The following COL4A3 variants were observed in gnomAD, a reference collection of about 807,000 sequenced individuals.
The protein encoded by COL4A3 is collagen alpha-3(IV) chain.
Under a neutral mutation model 217.4 loss-of-function variants are expected in COL4A3, and 135 were observed. The ratio of observed to expected loss-of-function variants is 0.62; its 90% CI spans 0.54 to 0.72. The LOEUF (loss-of-function observed/expected upper bound fraction) is 0.72. COL4A3 is among the 30% of genes least tolerant of loss of function. COL4A3 has a pLI of 0.00. For synonymous variants in COL4A3, 690 were observed against 736.3 expected (o/e 0.94, Z 1.02); for missense variants, 1,868 against 2,119.9 (o/e 0.88, Z 2.33).
chr2:227,310,712 A>G (rs1388462490), intron 50 of COL4A3, 64 bp from the exon 51 acceptor site: 5 of 1,379,530 alleles, frequency 3.6e-6, no homozygotes, highest in Non-Finnish European at 5.1e-6. Context: ...AAAAAAAAGT[A>G]GAGAATTGAA....
In COL4A3 at chr2:227,274,472, G is replaced by A. The variant is rs2071435870; in HGVS notation, c.1927+1355G>A. On this transcript the variant is annotated intron_variant, in intron 26 of 51. Coordinates refer to ENST00000396578, the MANE Select transcript of COL4A3 (RefSeq NM_000091.5). The stretch of plus-strand genomic sequence containing the variant: ...ATTAAATAAACAAATAAATATTTAT[G>A]TTTATCTGCACCTTACTTTGGAGCT... Among the ~76,000 whole-genome samples, 11 of 148,478 alleles carry A rather than the reference G, an allele frequency of 7.4e-5. 1 individual carries two copies. The South Asian group carries it at 2.3e-3, about 31-fold the overall frequency.
At chr2:227,206,257 A>G (rs1444080930) in intron 1 of COL4A3, among the ~76,000 whole-genome samples, 4 of 152,078 alleles carry the variant, frequency 2.6e-5, no homozygotes, top group Non-Finnish European at 4.4e-5. Context: ...TATTCTTAGT[A>G]GAGACAGGGT....
At chr2:227,293,643 T>C (rs2072883338) in intron 38 of COL4A3, 1 of 466,420 alleles carries the variant, frequency 2.1e-6, no homozygotes, top group South Asian at 1.7e-5. Context: ...GCTTCCATAG[T>C]GAATTCCACA....
At chr2:227,291,599 A>G (rs924809184) in intron 37 of COL4A3, among the ~76,000 whole-genome samples, 1 of 148,828 alleles carries the variant, frequency 6.7e-6, no homozygotes, top group Non-Finnish European at 1.5e-5. Flanking sequence ...AAAACAAAAA[A>G]AAAAACACTT....
chr2:227,269,677 T>C (rs184065238), intron 23 of COL4A3, among the ~76,000 whole-genome samples: 1 of 152,314 alleles, frequency 6.6e-6, no homozygotes, highest in East Asian at 1.9e-4. Context: ...AATAAAGATA[T>C]ATTCTTAAAA....
Position 227,254,679 on chromosome 2 carries a change from A to C in COL4A3, c.852A>C (p.Gly284=). Residue 284 remains glycine, a synonymous_variant, in exon 15 of 52, where the codon GGA becomes GGC. Transcript: ENST00000396578. ...GPSGLPGESY[G]SEKGAPGDPG... ...AGGGACTGCCTGGAGAATCATATGG[A>C]TCTGAAAAGGGTGCTCCTGGAGACC... 6.2e-7 allele frequency: 1 copy of C among 1,613,540 alleles called. No homozygotes were observed. The highest frequency in any genetic ancestry group is 1.3e-5 in the African/African-American group (1 of 75,020).
intron 1 of COL4A3, among the ~76,000 whole-genome samples, chr2:227,234,448 T>C (rs2068579966): frequency 6.6e-6 from 1 of 152,234 alleles, no homozygotes; most frequent in South Asian, 2.1e-4. Flanking sequence ...TGTTCATAAT[T>C]CATACATACA....
intron 1 of COL4A3, among the ~76,000 whole-genome samples, chr2:227,168,260 AT>A (rs1437628147): frequency 2.5e-4 from 38 of 152,240 alleles, no homozygotes; most frequent in Non-Finnish European, 4.7e-4. Context: ...TATATTAGGA[AT>A]TGACAAGTTC....
At chr2:227,298,536 C>A (rs1559914570) in intron 42 of COL4A3, 146 bp from the exon 43 acceptor site, 9 of 1,207,286 alleles carry the variant, frequency 7.5e-6, no homozygotes, top group Non-Finnish European at 1.1e-5. Flanking sequence ...CCTGTCTTTA[C>A]CACAATCCCA....
intron 1 of COL4A3, among the ~76,000 whole-genome samples, chr2:227,206,333 G>A (rs537117633): frequency 8.9e-4 from 136 of 152,192 alleles, no homozygotes; most frequent in African/African-American, 3.2e-3. Flanking sequence ...TTGGTCTCCC[G>A]TAGTGCTGGG....
At chr2:227,212,272 A>T (rs1030819239) in intron 1 of COL4A3, among the ~76,000 whole-genome samples, 1 of 151,956 alleles carries the variant, frequency 6.6e-6, no homozygotes, top group African/African-American at 2.4e-5. Flanking sequence ...CAAATTCTTA[A>T]ATTTTAATAT....
chr2:227,229,439 A>G (rs2068270247), intron 1 of COL4A3, among the ~76,000 whole-genome samples: 1 of 152,234 alleles, frequency 6.6e-6, no homozygotes, highest in African/African-American at 2.4e-5. Flanking sequence ...TGTTTGTTAG[A>G]GATAGATAAC....
At chr2:227,201,257 T>A (rs2066674169) in intron 1 of COL4A3, among the ~76,000 whole-genome samples, 2 of 152,074 alleles carry the variant, frequency 1.3e-5, no homozygotes, top group African/African-American at 4.8e-5. Context: ...TACAAGTTCA[T>A]GAATAGTTTT....
intron 27 of COL4A3, among the ~76,000 whole-genome samples, chr2:227,277,101 C>T (rs1327034998): frequency 2.6e-5 from 4 of 151,892 alleles, no homozygotes; most frequent in African/African-American, 7.3e-5. Context: ...AGGCGGATCA[C>T]GAGGTCAGGA....
Position 227,290,106 on chromosome 2 carries a change from G to C in COL4A3, c.3070+18G>C. 2 of 1,609,504 alleles carry C rather than the reference G, an allele frequency of 1.2e-6. No homozygotes were observed. On this transcript the variant is annotated intron_variant, in intron 36 of 51. Coordinates refer to ENST00000396578, the MANE Select transcript of COL4A3 (RefSeq NM_000091.5). ...CATGCCAGGTAATGCATAAGGTCCT[G>C]TTATGAGCCCACAAGCTCATGATGG...
chr2:227,291,354 G>A, intron 37 of COL4A3, among the ~76,000 whole-genome samples: 1 of 151,860 alleles, frequency 6.6e-6, no homozygotes, highest in Non-Finnish European at 1.5e-5. Flanking sequence ...ACGAGGTCAG[G>A]AGATCGAGAC....
intron 1 of COL4A3, among the ~76,000 whole-genome samples, chr2:227,197,712 C>T (rs537764699): frequency 2.0e-5 from 3 of 152,306 alleles, no homozygotes; most frequent in Admixed American, 2.0e-4. Flanking sequence ...ACACACCTAT[C>T]TTGGAAAAGT....
chr2:227,279,271 G>T (rs540529634), intron 28 of COL4A3, among the ~76,000 whole-genome samples: 125 of 151,638 alleles, frequency 8.2e-4, no homozygotes, highest in African/African-American at 3.0e-3. Flanking sequence ...TTTTTTTGTT[G>T]TTGTTGTTTT....
chr2:227,303,774 T>G (rs2073388718), intron 44 of COL4A3, 85 bp from the exon 45 acceptor site: 5 of 1,287,708 alleles, frequency 3.9e-6, no homozygotes, highest in Non-Finnish European at 5.6e-6. Context: ...TTCTAGTATT[T>G]GTCCTTAGAG....
Sources: allele counts gnomAD v4.1 joint callset (sites outside exome capture counted in the v4.1 genomes callset), GRCh38; gene constraint gnomAD v4.1.1; transcripts MANE v1.5; gene names NCBI Gene and HGNC (gene_info 2026-07-23, HGNC 2026-07-21).